Variants in RNF38 observed in about 807,000 individuals in gnomAD.
RNF38 encodes E3 ubiquitin-protein ligase RNF38.
RNF38 carries 15 observed loss-of-function variants against 67.2 expected under a neutral mutation model. The observed-to-expected ratio is 0.22, with a 90% CI of 0.15 to 0.34. The LOEUF (loss-of-function observed/expected upper bound fraction) is 0.34. Ranked by LOEUF, RNF38 falls within the 10% of genes least tolerant of loss-of-function variation. The pLI, the probability that RNF38 is intolerant of heterozygous loss-of-function variation, is 1.00. For missense variants in RNF38, 524 were observed against 639.9 expected (o/e 0.82, Z 1.95); for synonymous variants, 220 against 218.8 (o/e 1.01, Z -0.05).
At chr9:36,360,954 A>G (rs1334991620) in intron 4 of RNF38, among the ~76,000 whole-genome samples, 3 of 151,852 alleles carry the variant, frequency 2.0e-5, no homozygotes, top group African/African-American at 4.8e-5. Flanking sequence ...TGGGACTACA[A>G]GTGCATGCGA....
intron 1 of RNF38, among the ~76,000 whole-genome samples, chr9:36,459,676 T>C (rs1365253702): frequency 3.9e-5 from 6 of 152,186 alleles, no homozygotes; most frequent in Non-Finnish European, 7.3e-5. Flanking sequence ...CTCTAATTAT[T>C]GTATAGTGCT....
At chr9:36,452,706 TA>T (rs898440783) in intron 1 of RNF38, among the ~76,000 whole-genome samples, 10 of 152,044 alleles carry the variant, frequency 6.6e-5, no homozygotes, top group Admixed American at 2.0e-4. Context: ...CTAATTTTTG[TA>T]TTTTTGGTAG....
At chr9:36,426,316 A>C (rs1047311952) in intron 1 of RNF38, among the ~76,000 whole-genome samples, 5 of 152,174 alleles carry the variant, frequency 3.3e-5, no homozygotes, top group African/African-American at 1.2e-4. Flanking sequence ...CCCTAAAAAG[A>C]AACCTCAAGC....
At chr9:36,472,358 G>C (rs999974805) in intron 1 of RNF38, among the ~76,000 whole-genome samples, 2 of 152,084 alleles carry the variant, frequency 1.3e-5, no homozygotes, top group Admixed American at 6.6e-5. Flanking sequence ...TTCCTTCCTA[G>C]GTATCCATAA....
At chr9:36,458,923 G>T (rs983545290) in intron 1 of RNF38, among the ~76,000 whole-genome samples, 3 of 152,194 alleles carry the variant, frequency 2.0e-5, no homozygotes, top group Non-Finnish European at 4.4e-5. Flanking sequence ...CAGAAAGATT[G>T]CCCTCTGGCT....
chr9:36,468,711 C>T (rs1191616183), intron 1 of RNF38, among the ~76,000 whole-genome samples: 1 of 151,936 alleles, frequency 6.6e-6, no homozygotes, highest in African/African-American at 2.4e-5. Context: ...ACTCGGGAGG[C>T]CGAGGCATGA....
At chr9:36,439,671 G>A (rs1839149389) in intron 1 of RNF38, among the ~76,000 whole-genome samples, 1 of 151,748 alleles carries the variant, frequency 6.6e-6, no homozygotes, top group Non-Finnish European at 1.5e-5. Flanking sequence ...CGGGCATGGT[G>A]GCACACACCT....
chr9:36,468,096 C>T (rs1467141866), intron 1 of RNF38, among the ~76,000 whole-genome samples: 1 of 152,114 alleles, frequency 6.6e-6, no homozygotes, highest in Non-Finnish European at 1.5e-5. Flanking sequence ...TGTTTAGAAA[C>T]TAGCCAGTTG....
intron 1 of RNF38, among the ~76,000 whole-genome samples, chr9:36,480,857 T>G (rs1840241849): frequency 6.6e-6 from 1 of 151,446 alleles, no homozygotes; most frequent in African/African-American, 2.4e-5. Flanking sequence ...GCCCCTTCCA[T>G]GTATATATTT....
At chr9:36,361,623 T>C (rs780948647) in intron 4 of RNF38, among the ~76,000 whole-genome samples, 1 of 152,146 alleles carries the variant, frequency 6.6e-6, no homozygotes, top group Non-Finnish European at 1.5e-5. Context: ...TGAAATAAAG[T>C]AGTTAGTTCT....
At chr9:36,433,326 C>A (rs1011887107) in intron 1 of RNF38, among the ~76,000 whole-genome samples, 18 of 151,666 alleles carry the variant, frequency 1.2e-4, no homozygotes, top group Non-Finnish European at 2.1e-4. Context: ...ATGGATACCC[C>A]CCCCTTACCC....
intron 1 of RNF38, among the ~76,000 whole-genome samples, chr9:36,476,519 CTTT>C (rs67780076): frequency 1.7e-4 from 16 of 94,096 alleles, no homozygotes; most frequent in Admixed American, 2.5e-4. Flanking sequence ...ATCGGGCAAT[CTTT>C]TTTTTTTTTT....
chr9:36,399,484 A>T (rs1187190249), intron 1 of RNF38, among the ~76,000 whole-genome samples: 1 of 80,776 alleles, frequency 1.2e-5, no homozygotes, highest in East Asian at 3.1e-4. Flanking sequence ...CCATATTATA[A>T]ATATATATAA....
At chr9:36,482,118 A>G (rs555378762) in intron 1 of RNF38, among the ~76,000 whole-genome samples, 137 of 148,228 alleles carry the variant, frequency 9.2e-4, no homozygotes, top group Middle Eastern at 3.5e-3. Context: ...CAATGGTGCA[A>G]TCTCAGCTTA....
chr9:36,462,670 CTGAT>C (rs1839760266), intron 1 of RNF38, among the ~76,000 whole-genome samples: 1 of 141,100 alleles, frequency 7.1e-6, no homozygotes, highest in Middle Eastern at 3.5e-3. Context: ...CTCTGACCAA[CTGAT>C]TGATTTTTTT....
rs534834152 is a variant in RNF38 at position 36,337,429 on chromosome 9, A to G, written c.*2323T>C. The G allele has an allele frequency of 2.0e-5, 3 of 152,938 alleles. No individual in the cohort carries two copies. Among genetic ancestry groups the G allele is most frequent in the Admixed American group, 6.5e-5 (1 of 15,310 alleles). The allele number at this position is 152,938 out of a possible 1,614,324, so 9.5% of individuals were successfully genotyped here. A position where few individuals can be genotyped will look rare whatever the true frequency, so the allele number is the denominator to read the frequency against. On this transcript the variant is annotated 3_prime_UTR_variant, in exon 12 of 12. Coordinates refer to ENST00000259605, the MANE Select transcript of RNF38 (RefSeq NM_022781.5). The stretch of plus-strand genomic sequence containing the variant: ...AAAAACTTACAGAAAAAGGGACATT[A>G]TAAGAATTCATAGAGGGAGAGAAGA...
chr9:36,471,797 G>A (rs1840005194), intron 1 of RNF38, among the ~76,000 whole-genome samples: 1 of 152,138 alleles, frequency 6.6e-6, no homozygotes, highest in Admixed American at 6.5e-5. Flanking sequence ...GTCTTGCTAT[G>A]TTGCCTGGGA....
upstream of RNF38, chr9:36,400,443 G>A (rs1837928143): frequency 9.3e-7 from 1 of 1,073,068 alleles, no homozygotes; most frequent in Admixed American, 5.2e-5. Flanking sequence ...AAGAGCGCCG[G>A]GCGGCCGAGG....
chr9:36,449,636 C>T (rs754109976), intron 1 of RNF38, among the ~76,000 whole-genome samples: 3 of 152,232 alleles, frequency 2.0e-5, no homozygotes, highest in Non-Finnish European at 2.9e-5. Flanking sequence ...GGGGTTTCAC[C>T]GTGTTAGCCA....
Sources: allele counts gnomAD v4.1 joint callset (sites outside exome capture counted in the v4.1 genomes callset), GRCh38; gene constraint gnomAD v4.1.1; transcripts MANE v1.5; gene names NCBI Gene and HGNC (gene_info 2026-07-23, HGNC 2026-07-21).